The following MGAT5 variants were observed in gnomAD, a reference collection of about 807,000 sequenced individuals.
The protein encoded by MGAT5 is alpha-1,6-mannosylglycoprotein 6-beta-N-acetylglucosaminyltransferase.
In MGAT5, 30 loss-of-function variants were observed where a neutral mutation model predicts 94.3. The observed-to-expected ratio is 0.32, with a 90% CI of 0.24 to 0.43. The LOEUF is 0.43. Among genes scored for constraint, MGAT5 ranks in the 20% least tolerant of loss-of-function variants. The probability of loss-of-function intolerance (pLI) is 1.00; values close to 1 mark genes in which losing one functional copy is unlikely to be tolerated. For synonymous variants in MGAT5, 310 were observed against 322.9 expected (o/e 0.96, Z 0.43); for missense variants, 691 against 905.5 (o/e 0.76, Z 3.04).
At chr2:134,292,444 G>C (rs1001469982) in intron 2 of MGAT5, among the ~76,000 whole-genome samples, 1 of 152,116 alleles carries the variant, frequency 6.6e-6, no homozygotes, top group Non-Finnish European at 1.5e-5. Flanking sequence ...TCTTCAATCC[G>C]ACAGGGTGCA....
chr2:134,186,858 G>A (rs1213397786), intron 1 of MGAT5, among the ~76,000 whole-genome samples: 1 of 152,212 alleles, frequency 6.6e-6, no homozygotes, highest in African/African-American at 2.4e-5. Context: ...GGAAGAAACA[G>A]GTAAATCTGA....
chr2:134,355,380 C>A (rs1041995397), intron 9 of MGAT5, among the ~76,000 whole-genome samples: 1 of 152,050 alleles, frequency 6.6e-6, no homozygotes, highest in African/African-American at 2.4e-5. Flanking sequence ...ATTTGAAAAC[C>A]ATTGTGTCCA....
chr2:134,134,823 A>C (rs530087654), intron 1 of MGAT5, among the ~76,000 whole-genome samples: 11 of 152,392 alleles, frequency 7.2e-5, no homozygotes, highest in African/African-American at 2.6e-4. Flanking sequence ...CCTGTTACCC[A>C]CTAGACAATC....
intron 10 of MGAT5, among the ~76,000 whole-genome samples, chr2:134,394,338 AAAAC>A (rs1682583770): frequency 6.6e-6 from 1 of 152,216 alleles, no homozygotes; most frequent in Non-Finnish European, 1.5e-5. Context: ...CATATGAAAA[AAAAC>A]TTTTTGAAAT....
chr2:134,205,736 C>T (rs569777344), intron 1 of MGAT5, among the ~76,000 whole-genome samples: 1 of 152,126 alleles, frequency 6.6e-6, no homozygotes, highest in African/African-American at 2.4e-5. Flanking sequence ...GGACAGGGTA[C>T]ACTTGCTGAG....
chr2:134,287,062 C>T (rs189812719), intron 2 of MGAT5, among the ~76,000 whole-genome samples: 4 of 152,302 alleles, frequency 2.6e-5, no homozygotes, highest in African/African-American at 7.2e-5. Context: ...AGTCTCATCT[C>T]CCTACAGTCT....
intron 1 of MGAT5, among the ~76,000 whole-genome samples, chr2:134,125,485 C>T (rs918452169): frequency 6.6e-5 from 10 of 152,138 alleles, no homozygotes; most frequent in Admixed American, 5.9e-4. Flanking sequence ...AGGGAGGGCC[C>T]TCCTCTTTCT....
chr2:134,189,610 T>TGTTTTGTTTTTTTTTG (rs1352982152), intron 1 of MGAT5, among the ~76,000 whole-genome samples: 1 of 135,584 alleles, frequency 7.4e-6, no homozygotes, highest in Non-Finnish European at 1.6e-5. Flanking sequence ...TTGTTTTTTT[T>TGTTTTGTTTTTTTTTG]TTTTTTTTTT....
intron 1 of MGAT5, among the ~76,000 whole-genome samples, chr2:134,177,183 A>G (rs986935673): frequency 1.4e-4 from 5 of 35,852 alleles, no homozygotes; most frequent in Non-Finnish European, 2.1e-4. Flanking sequence ...ATTTATAGTA[A>G]TCTTGCATCT....
upstream of MGAT5, chr2:134,120,167 C>T: frequency 5.9e-6 from 1 of 168,280 alleles, no homozygotes; most frequent in Non-Finnish European, 1.3e-5. Flanking sequence ...GCGGCGGCGG[C>T]CCCGGGCGCG....
rs34504085 is a variant in MGAT5 at position 134,237,622 on chromosome 2, C to CT, written c.-142-16624dup. On this transcript the variant is annotated intron_variant, in intron 1 of 16. Coordinates refer to the MGAT5 transcript ENST00000409645. ...CTCAACTTATATAAATGATTTAATT[C>CT]TTTTTTTTTTTTTTTTGAGATGGAG... Among the ~76,000 whole-genome samples the CT allele has an allele frequency of 9.2e-3, 575 of 62,410 alleles. 110 individuals are homozygous for CT. Among genetic ancestry groups the CT allele is most frequent in the Admixed American group, 0.027 (136 of 5,034 alleles). The allele number at this position is 62,410 out of a possible 152,430, so 40.9% of individuals were successfully genotyped here. A position where few individuals can be genotyped will look rare whatever the true frequency, so the allele number is the denominator to read the frequency against.
chr2:134,441,952 T>C (rs767656206), intron 15 of MGAT5, 37 bp downstream of exon 15: 9 of 1,601,128 alleles, frequency 5.6e-6, no homozygotes, highest in Non-Finnish European at 6.8e-6. Flanking sequence ...ACTCAGCCCC[T>C]AGACTCCAGC....
chr2:134,336,378 T>C (rs1688331465), intron 5 of MGAT5, 90 bp downstream of exon 5: 6 of 1,066,754 alleles, frequency 5.6e-6, no homozygotes, highest in Non-Finnish European at 8.5e-6. Context: ...ATGCCAACTA[T>C]AACCTGAAAT....
chr2:134,226,044 T>C (rs1681045297), intron 1 of MGAT5, among the ~76,000 whole-genome samples: 1 of 152,224 alleles, frequency 6.6e-6, no homozygotes, highest in African/African-American at 2.4e-5. Flanking sequence ...TGTGTAGCCT[T>C]AGGAGAAGAG....
chr2:134,131,627 C>G (rs1390236561), intron 1 of MGAT5, among the ~76,000 whole-genome samples: 1 of 142,248 alleles, frequency 7.0e-6, no homozygotes, highest in Admixed American at 7.2e-5. Flanking sequence ...TAATGGCCTC[C>G]CTGAACTCCC....
At chr2:134,206,645 T>C (rs1237452997) in intron 1 of MGAT5, among the ~76,000 whole-genome samples, 2 of 152,190 alleles carry the variant, frequency 1.3e-5, no homozygotes, top group East Asian at 3.9e-4. Flanking sequence ...CACCTTGAGA[T>C]AGGGCAATTA....
intron 4 of MGAT5, 91 bp from the exon 5 acceptor site, chr2:134,336,126 G>A (rs764437064): frequency 4.3e-5 from 42 of 975,684 alleles, no homozygotes; most frequent in Non-Finnish European, 6.2e-5. Context: ...TATAGTGCTA[G>A]TTGTGTGCCA....
In MGAT5 at chr2:134,254,505, CCAG is replaced by C. The variant is rs1558734810; in HGVS notation, c.107_109del (p.Gln36del). On this transcript the variant is annotated inframe_deletion, in exon 1 of 16. Coordinates refer to ENST00000281923, the MANE Select transcript of MGAT5 (RefSeq NM_002410.5). ...GTATGATGCTTCTGCACTTTACCAT[CCAG>C]CAGCGAACTCAGCCTGAAAGCAGCT... 1.9e-6 allele frequency: 3 copies of C among 1,614,206 alleles called. No individual in the cohort carries two copies. The highest frequency in any genetic ancestry group is 2.5e-6 in the Non-Finnish European group (3 of 1,180,042).
chr2:134,445,182 G>C (rs1685703413), intron 15 of MGAT5, among the ~76,000 whole-genome samples: 1 of 152,200 alleles, frequency 6.6e-6, no homozygotes, highest in South Asian at 2.1e-4. Context: ...GTGACCCTTA[G>C]TAGGCCACCT....
Sources: allele counts gnomAD v4.1 joint callset (sites outside exome capture counted in the v4.1 genomes callset), GRCh38; gene constraint gnomAD v4.1.1; transcripts MANE v1.5; gene names NCBI Gene and HGNC (gene_info 2026-07-23, HGNC 2026-07-21).